Variants in CCSER1 observed in about 807,000 individuals in gnomAD.
CCSER1 encodes the protein coiled-coil serine rich protein 1.
CCSER1 carries 41 observed loss-of-function variants against 82.0 expected under a neutral mutation model. The ratio of observed to expected loss-of-function variants is 0.50; its 90% CI spans 0.39 to 0.65. The LOEUF (loss-of-function observed/expected upper bound fraction) is 0.65. Ranked by LOEUF, CCSER1 falls within the 30% of genes least tolerant of loss-of-function variation. CCSER1 has a pLI of 0.00. For synonymous variants in CCSER1, 414 were observed against 383.9 expected, an observed-to-expected ratio of 1.08 and a Z score of -0.92; for missense variants, 1,119 against 1,064.2, an observed-to-expected ratio of 1.05 and a Z score of -0.72.
At chr4:90,489,725 G>C (rs1276826304) in intron 5 of CCSER1, among the ~76,000 whole-genome samples, 1 of 151,956 alleles carries the variant, frequency 6.6e-6, no homozygotes, top group Non-Finnish European at 1.5e-5. Context: ...CCTGTGTCCA[G>C]GTGTTCTCAT....
At chr4:90,943,159 G>T (rs999375065) in intron 9 of CCSER1, among the ~76,000 whole-genome samples, 1 of 151,946 alleles carries the variant, frequency 6.6e-6, no homozygotes, top group Non-Finnish European at 1.5e-5. Flanking sequence ...TCTGACCTGA[G>T]AAGAAATTTC....
At chr4:91,290,286 A>G (rs1743645932) in intron 10 of CCSER1, among the ~76,000 whole-genome samples, 1 of 152,012 alleles carries the variant, frequency 6.6e-6, no homozygotes, top group Non-Finnish European at 1.5e-5. Flanking sequence ...AAATATTTAC[A>G]TAAATATCTG....
chr4:90,629,861 T>C (rs190288712), intron 6 of CCSER1, among the ~76,000 whole-genome samples: 3 of 152,342 alleles, frequency 2.0e-5, no homozygotes, highest in Admixed American at 2.0e-4. Flanking sequence ...AAAAGGGTAA[T>C]CAGTATTCAA....
At chr4:91,531,913 A>C (rs1477660211) in intron 10 of CCSER1, among the ~76,000 whole-genome samples, 2 of 152,166 alleles carry the variant, frequency 1.3e-5, no homozygotes, top group Non-Finnish European at 2.9e-5. Context: ...AGGTCTCACT[A>C]TATTGCCCAG....
At chr4:90,700,450 C>G (rs970658194) in intron 6 of CCSER1, among the ~76,000 whole-genome samples, 1 of 151,590 alleles carries the variant, frequency 6.6e-6, no homozygotes, top group African/African-American at 2.4e-5. Flanking sequence ...AATAAACATA[C>G]GTGTGCATGT....
chr4:90,270,751 C>T (rs532698367), intron 1 of CCSER1, among the ~76,000 whole-genome samples: 1 of 152,134 alleles, frequency 6.6e-6, no homozygotes, highest in Admixed American at 6.5e-5. Flanking sequence ...AACCTAAAGA[C>T]TTCAAAAATC....
At chr4:91,446,692 T>TATAA (rs1250360946) in intron 10 of CCSER1, among the ~76,000 whole-genome samples, 88 of 147,068 alleles carry the variant, frequency 6.0e-4, no homozygotes, top group African/African-American at 1.6e-3. Context: ...TATATATATA[T>TATAA]AATAGTCCTG....
intron 10 of CCSER1, among the ~76,000 whole-genome samples, chr4:91,198,886 G>C (rs188337085): frequency 2.3e-3 from 351 of 152,218 alleles, no homozygotes; most frequent in African/African-American, 8.0e-3. Flanking sequence ...TTGTGAACGT[G>C]TATTTAAGTG....
At chr4:90,448,485 A>ATG (rs1553914348) in intron 4 of CCSER1, among the ~76,000 whole-genome samples, 6 of 124,092 alleles carry the variant, frequency 4.8e-5, no homozygotes, top group African/African-American at 1.6e-4. Context: ...ATATATATAT[A>ATG]GCACTTTTCT....
At chr4:90,423,291 T>A (rs1411030236) in intron 4 of CCSER1, among the ~76,000 whole-genome samples, 1 of 152,174 alleles carries the variant, frequency 6.6e-6, no homozygotes, top group Non-Finnish European at 1.5e-5. Context: ...AGTGGCGTCA[T>A]CTCGGCTCAC....
At chr4:90,835,632 C>CT (rs1650528666) in intron 8 of CCSER1, among the ~76,000 whole-genome samples, 1 of 150,570 alleles carries the variant, frequency 6.6e-6, no homozygotes, top group South Asian at 2.1e-4. Flanking sequence ...TTTTTTTTTT[C>CT]TTTCTTCATA....
intron 10 of CCSER1, among the ~76,000 whole-genome samples, chr4:91,238,353 T>C (rs1379131434): frequency 6.6e-6 from 1 of 151,990 alleles, no homozygotes; most frequent in Admixed American, 6.6e-5. Context: ...GGGACCTCAG[T>C]CATGTCGCTG....
intron 1 of CCSER1, among the ~76,000 whole-genome samples, chr4:90,287,825 G>T (rs1485774666): frequency 6.6e-6 from 1 of 151,684 alleles, no homozygotes; most frequent in Non-Finnish European, 1.5e-5. Flanking sequence ...GAAACTTTAT[G>T]TATTTATGTT....
chr4:91,081,863 G>T (rs1722796256), intron 9 of CCSER1, among the ~76,000 whole-genome samples: 1 of 152,122 alleles, frequency 6.6e-6, no homozygotes, highest in Admixed American at 6.5e-5. Flanking sequence ...CAAGGGACGT[G>T]AAGAACCTCT....
intron 9 of CCSER1, among the ~76,000 whole-genome samples, chr4:91,027,239 C>T (rs900013028): frequency 6.6e-6 from 1 of 151,938 alleles, no homozygotes; most frequent in Non-Finnish European, 1.5e-5. Flanking sequence ...TGGTTGTCTA[C>T]AATTCTAATT....
chr4:91,043,791 T>C (rs537069451), intron 9 of CCSER1, among the ~76,000 whole-genome samples: 87 of 152,250 alleles, frequency 5.7e-4, no homozygotes, highest in African/African-American at 2.1e-3. Context: ...TTTTGCCCTG[T>C]TGGCCAGGTT....
At chr4:91,196,153 G>C (rs1367143785) in intron 10 of CCSER1, among the ~76,000 whole-genome samples, 2 of 145,386 alleles carry the variant, frequency 1.4e-5, no homozygotes, top group Non-Finnish European at 3.0e-5. Context: ...CTCCACAGCA[G>C]TCCGGCCTGG....
At chr4:91,059,323 C>T (rs1398203536) in intron 9 of CCSER1, among the ~76,000 whole-genome samples, 1 of 149,274 alleles carries the variant, frequency 6.7e-6, no homozygotes, top group East Asian at 2.0e-4. Flanking sequence ...TATATATATA[C>T]ATATAGTGTA....
At chr4:91,553,185 G>A (rs1215755810) in intron 10 of CCSER1, among the ~76,000 whole-genome samples, 3 of 151,464 alleles carry the variant, frequency 2.0e-5, no homozygotes, top group Non-Finnish European at 3.0e-5. Flanking sequence ...TTTTGTTAAT[G>A]TGTTAGATCA....
Sources: allele counts gnomAD v4.1 joint callset (sites outside exome capture counted in the v4.1 genomes callset), GRCh38; gene constraint gnomAD v4.1.1; transcripts MANE v1.5; gene names NCBI Gene and HGNC (gene_info 2026-07-23, HGNC 2026-07-21).